The following VAC14 variants were observed in gnomAD, a reference collection of about 807,000 sequenced individuals.
The protein encoded by VAC14 is protein VAC14 homolog.
A neutral mutation model predicts 85.3 loss-of-function variants in VAC14; 47 were observed. That is an observed-to-expected ratio of 0.55 (90% CI 0.44 to 0.70). The LOEUF (loss-of-function observed/expected upper bound fraction) is 0.70, where lower values mean the gene tolerates loss of function less well. Among genes scored for constraint, VAC14 ranks in the 30% least tolerant of loss-of-function variants. VAC14 has a pLI of 0.00. For missense variants in VAC14, 861 were observed against 1,004.3 expected (o/e 0.86, Z 1.93); for synonymous variants, 447 against 430.5 (o/e 1.04, Z -0.47).
At chr16:70,691,075 C>G in intron 18 of VAC14, 1 of 985,508 alleles carries the variant, frequency 1.0e-6, no homozygotes, top group Non-Finnish European at 1.2e-6. Context: ...ACCCAGAGGC[C>G]TCAACCCCTT....
intron 14 of VAC14, among the ~76,000 whole-genome samples, chr16:70,717,197 C>G (rs376822840): frequency 6.6e-6 from 1 of 152,250 alleles, no homozygotes; most frequent in East Asian, 1.9e-4. Flanking sequence ...CGCACTCTGG[C>G]CACACTGATG....
chr16:70,689,752 T>C, intron 18 of VAC14: 1 of 985,456 alleles, frequency 1.0e-6, no homozygotes, highest in South Asian at 4.7e-5. Context: ...GGCGGGGCCA[T>C]TCTAGAGGGC....
intron 9 of VAC14, among the ~76,000 whole-genome samples, chr16:70,780,018 ATT>A (rs368861697): frequency 1.2e-3 from 131 of 111,830 alleles, no homozygotes; most frequent in African/African-American, 3.2e-3. Context: ...AATTTTTGTA[ATT>A]TTTTTTTTTT....
At chr16:70,761,236 G>C (rs1054164957) in intron 12 of VAC14, 1 of 454,704 alleles carries the variant, frequency 2.2e-6, no homozygotes, top group African/African-American at 2.0e-5. Flanking sequence ...GGAAGACTGA[G>C]GAGCCTCACT....
rs1163279366 is a variant in VAC14 at position 70,762,676 on chromosome 16, C to T, written c.1306-71G>A. On this transcript the variant is annotated intron_variant, in intron 11 of 18. Transcript: ENST00000261776. The surrounding 1 kb of genome is among the most constrained non-coding windows in gnomAD (Gnocchi z 4.1). Reference sequence around the variant, plus strand: ...CCGGGACTACGTGCAGTGCAGTGTCCCGCTGGTGTGCACGGACCCACTGGT... The same window carrying T: ...CCGGGACTACGTGCAGTGCAGTGTCTCGCTGGTGTGCACGGACCCACTGGT... 1 of 1,558,524 alleles carries T rather than the reference C, an allele frequency of 6.4e-7. No individual in the cohort carries two copies. Among genetic ancestry groups the T allele is most frequent in the African/African-American group, 1.4e-5 (1 of 73,686 alleles).
At chr16:70,730,135 TCA>T (rs1349225354) in intron 14 of VAC14, among the ~76,000 whole-genome samples, 1 of 151,816 alleles carries the variant, frequency 6.6e-6, no homozygotes, top group East Asian at 2.0e-4. Flanking sequence ...TACTTCCTAC[TCA>T]GTCTCGAATC....
intron 2 of VAC14, 88 bp downstream of exon 2, chr16:70,786,127 A>G (rs1378323924): frequency 1.3e-6 from 2 of 1,549,912 alleles, no homozygotes; most frequent in Non-Finnish European, 1.7e-6. Context: ...GCAATGCCCT[A>G]CTGGGTCTTG....
In VAC14 at chr16:70,761,475, T is replaced by C. The variant is rs1208014109; in HGVS notation, c.1371+1065A>G. On this transcript the variant is annotated intron_variant, in intron 12 of 18. Coordinates refer to ENST00000261776, the MANE Select transcript of VAC14 (RefSeq NM_018052.5). Reference sequence around the variant, plus strand: ...TGAAGAGCTGGTATGGATGGAGGGATGGGATGCTGCCGTGCAATGGGCACG... The same window carrying C: ...TGAAGAGCTGGTATGGATGGAGGGACGGGATGCTGCCGTGCAATGGGCACG... Among the ~76,000 whole-genome samples, 5 of 152,296 alleles carry C rather than the reference T, an allele frequency of 3.3e-5. No homozygotes were observed. The East Asian group carries it at 9.6e-4, about 29-fold the overall frequency.
chr16:70,789,020 T>C (rs2034200691), intron 1 of VAC14, among the ~76,000 whole-genome samples: 1 of 152,254 alleles, frequency 6.6e-6, no homozygotes, highest in Non-Finnish European at 1.5e-5. Flanking sequence ...TCCTCAGCCT[T>C]GGCCAGTCTT....
At chr16:70,782,034 C>T in intron 7 of VAC14, 31 bp from the exon 8 acceptor site, 1 of 1,607,262 alleles carries the variant, frequency 6.2e-7, no homozygotes, top group Non-Finnish European at 8.5e-7. Flanking sequence ...TTCAGAGGGG[C>T]CAGCACACGC....
intron 14 of VAC14, among the ~76,000 whole-genome samples, chr16:70,723,238 G>C (rs2054339734): frequency 6.9e-6 from 1 of 145,376 alleles, no homozygotes; most frequent in Non-Finnish European, 1.5e-5. Flanking sequence ...AAAAAAAAAA[G>C]ATTTACCAAG....
rs2034728983 is a variant in VAC14 at position 70,800,389 on chromosome 16, C to T, written c.104+408G>A. ...AACAATCTCCTTCACTTCTCAGAAG[C>T]TGGGTAAGAAACCAGGCTGGTCAGC... On this transcript the variant is annotated intron_variant, in intron 1 of 18. Transcript: ENST00000261776. Among the ~76,000 whole-genome samples, 4 of 152,304 alleles carry T rather than the reference C, an allele frequency of 2.6e-5. No homozygotes were observed. The South Asian group carries it at 8.3e-4, about 32-fold the overall frequency.
At chr16:70,699,919 C>T (rs1214723792) in intron 14 of VAC14, 3 of 152,270 alleles carry the variant, frequency 2.0e-5, no homozygotes, top group East Asian at 3.8e-4. Flanking sequence ...GGCTAAGCTC[C>T]AGTGCCTGAC....
chr16:70,783,009 T>C, intron 7 of VAC14, 24 bp downstream of exon 7: 1 of 1,606,898 alleles, frequency 6.2e-7, no homozygotes, highest in Non-Finnish European at 8.5e-7. Context: ...CAGCCGTGGC[T>C]GTGGGCCCTC....
At position 70,688,248 on chromosome 16, in the gene VAC14, A is replaced by G. The variant is rs1377005027; in HGVS notation, c.2187-158T>C. 11 of 1,267,154 alleles carry G rather than the reference A, an allele frequency of 8.7e-6. No homozygotes were observed. The Admixed American group carries it at 1.6e-4, about 18-fold the overall frequency. The allele number at this position is 1,267,154 out of a possible 1,614,324, so 78.5% of individuals were successfully genotyped here. Reference sequence around the variant, plus strand: ...CAACTCTTCCGTCATGGCGGGCCCCAGAGCTGGGAAGCCCCTGAGCATCCC... The same window carrying G: ...CAACTCTTCCGTCATGGCGGGCCCCGGAGCTGGGAAGCCCCTGAGCATCCC... On this transcript the variant is annotated intron_variant, in intron 18 of 18. Transcript: ENST00000261776.
intron 12 of VAC14, among the ~76,000 whole-genome samples, chr16:70,745,500 TGTGTGTGTGTGTGTGTGTGCGC>T (rs1481312491): frequency 4.5e-4 from 67 of 147,412 alleles, no homozygotes; most frequent in African/African-American, 1.7e-3. Context: ...TGTGTGTGTG[TGTGTGTGTGTGTGTGTGTGCGC>T]GTGTGCGCGC....
chr16:70,695,283 TA>T (rs1249025533), intron 17 of VAC14, among the ~76,000 whole-genome samples: 1 of 152,036 alleles, frequency 6.6e-6, no homozygotes, highest in Non-Finnish European at 1.5e-5. Flanking sequence ...GGCTAATTTT[TA>T]AAAAATTTTG....
At chr16:70,745,242 G>A (rs975999472) in intron 12 of VAC14, among the ~76,000 whole-genome samples, 2 of 152,242 alleles carry the variant, frequency 1.3e-5, no homozygotes, top group East Asian at 3.8e-4. Context: ...GAGTTCTTCC[G>A]AGACAGAGGC....
intron 12 of VAC14, among the ~76,000 whole-genome samples, chr16:70,754,249 T>G (rs1472414077): frequency 6.6e-6 from 1 of 152,148 alleles, no homozygotes; most frequent in Non-Finnish European, 1.5e-5. Flanking sequence ...TGGGAACATC[T>G]GGAAGAATGA....
Sources: allele counts gnomAD v4.1 joint callset (sites outside exome capture counted in the v4.1 genomes callset), GRCh38; gene constraint gnomAD v4.1.1; non-coding constraint Gnocchi (gnomAD v3.1); transcripts MANE v1.5; gene names NCBI Gene and HGNC (gene_info 2026-07-23, HGNC 2026-07-21).